The following WDR47 variants were observed in gnomAD, a reference collection of about 807,000 sequenced individuals.
WDR47 encodes the protein WD repeat-containing protein 47.
WDR47 carries 32 observed loss-of-function variants against 97.2 expected under a neutral mutation model. That is an observed-to-expected ratio of 0.33 (90% CI 0.25 to 0.44). The LOEUF (loss-of-function observed/expected upper bound fraction) is 0.44, where lower values mean the gene tolerates loss of function less well. Among genes scored for constraint, WDR47 ranks in the 20% least tolerant of loss-of-function variants. WDR47 has a pLI of 1.00. For synonymous variants in WDR47, 375 were observed against 373.5 expected, an observed-to-expected ratio of 1.00 and a Z score of -0.05; for missense variants, 782 against 1,102.3, an observed-to-expected ratio of 0.71 and a Z score of 4.11.
chr1:108,976,453 T>G (rs1657903064), intron 13 of WDR47, among the ~76,000 whole-genome samples: 2 of 151,990 alleles, frequency 1.3e-5, no homozygotes, highest in South Asian at 2.1e-4. Flanking sequence ...GTACAAAGTT[T>G]ATAGTGTCAA....
chr1:108,997,670 G>A (rs913251876), intron 7 of WDR47, among the ~76,000 whole-genome samples: 8 of 145,978 alleles, frequency 5.5e-5, no homozygotes, highest in Non-Finnish European at 1.2e-4. Flanking sequence ...TGAGGCAGGA[G>A]AATGGCGTGA....
At chr1:108,998,342 A>C (rs903593378) in intron 7 of WDR47, among the ~76,000 whole-genome samples, 1 of 152,028 alleles carries the variant, frequency 6.6e-6, no homozygotes, top group Non-Finnish European at 1.5e-5. Flanking sequence ...GTCTTTACTA[A>C]AAATACAAAA....
intron 2 of WDR47, among the ~76,000 whole-genome samples, chr1:109,022,587 TTATTTTTG>T (rs1047470561): frequency 5.3e-5 from 8 of 152,172 alleles, no homozygotes; most frequent in Admixed American, 5.2e-4. Context: ...TTCCTTTTTT[TTATTTTTG>T]TATTTTTGAG....
intron 1 of WDR47, among the ~76,000 whole-genome samples, chr1:109,033,745 C>A (rs1662751599): frequency 6.6e-6 from 1 of 152,084 alleles, no homozygotes; most frequent in Non-Finnish European, 1.5e-5. Context: ...ATGGTAAAAC[C>A]CTGTCTCTAC....
intron 1 of WDR47, among the ~76,000 whole-genome samples, chr1:109,038,870 T>G (rs1351745816): frequency 6.6e-6 from 1 of 151,982 alleles, no homozygotes; most frequent in African/African-American, 2.4e-5. Context: ...TCCCAGCTAC[T>G]TGGGAGGCTG....
At chr1:108,986,307 A>G (rs890634100) in intron 10 of WDR47, among the ~76,000 whole-genome samples, 2 of 152,220 alleles carry the variant, frequency 1.3e-5, no homozygotes, top group African/African-American at 4.8e-5. Context: ...TGTTGTAATC[A>G]AAAACATTTT....
chr1:109,025,842 G>A (rs1391671241), intron 1 of WDR47, among the ~76,000 whole-genome samples: 1 of 152,036 alleles, frequency 6.6e-6, no homozygotes, highest in African/African-American at 2.4e-5. Context: ...AATGACATCA[G>A]ACTACACAAA....
chr1:109,019,833 T>C (rs1661690172), intron 2 of WDR47, among the ~76,000 whole-genome samples: 1 of 152,230 alleles, frequency 6.6e-6, no homozygotes, highest in South Asian at 2.1e-4. Flanking sequence ...TCTTACATCT[T>C]TTCTTACACA....
At chr1:108,972,797 A>T (rs948187894) in intron 14 of WDR47, among the ~76,000 whole-genome samples, 1 of 152,104 alleles carries the variant, frequency 6.6e-6, no homozygotes, top group Non-Finnish European at 1.5e-5. Flanking sequence ...AATACAAAAA[A>T]TTAGCCAGGT....
In WDR47 at chr1:109,026,423, T is replaced by C. The variant is rs538186433; in HGVS notation, c.-9-2902A>G. 3.3e-5 allele frequency among the ~76,000 whole-genome samples: 5 copies of C among 152,144 alleles called. No homozygotes were observed. The East Asian group carries it at 9.6e-4, about 29-fold the overall frequency. On this transcript the variant is annotated intron_variant, in intron 1 of 14. Transcript: ENST00000369962. Reference sequence around the variant, plus strand: ...TCATATCAGAACTGTCTCCCTAATATTATTCTTAGAGCACACTGATTAGTG... The same window carrying C: ...TCATATCAGAACTGTCTCCCTAATACTATTCTTAGAGCACACTGATTAGTG...
At chr1:109,018,651 C>G (rs914599435) in intron 2 of WDR47, among the ~76,000 whole-genome samples, 14 of 151,832 alleles carry the variant, frequency 9.2e-5, no homozygotes, top group Non-Finnish European at 1.6e-4. Flanking sequence ...CCTGGCTCTA[C>G]AAAAAATACA....
Position 108,991,314 on chromosome 1 carries a change from C to T in WDR47, c.1707G>A (p.Ser569=), listed in dbSNP as rs1180411177. 6.2e-7 allele frequency: 1 copy of T among 1,611,276 alleles called. No individual in the cohort carries two copies. The highest frequency in any genetic ancestry group is 8.5e-7 in the Non-Finnish European group (1 of 1,178,180). ...PCGSQISSEH[S]VIKPPLGDSP... ...AATCTCCAAGAGGTGGCTTAATGAC[C>T]GAATGTTCTGAAGAGCTGTGGGAGT... Residue 569 remains serine (S), a synonymous_variant, in exon 9 of 15, where the codon TCG becomes TCA. Coordinates refer to ENST00000369962, the MANE Select transcript of WDR47 (RefSeq NM_001142551.2).
intron 13 of WDR47, among the ~76,000 whole-genome samples, chr1:108,975,169 G>A (rs1657788002): frequency 6.6e-6 from 1 of 151,982 alleles, no homozygotes; most frequent in South Asian, 2.1e-4. Context: ...CAACAGTATA[G>A]GAAATGTACT....
At chr1:109,022,927 G>A (rs1282585677) in intron 2 of WDR47, among the ~76,000 whole-genome samples, 2 of 151,054 alleles carry the variant, frequency 1.3e-5, no homozygotes, top group African/African-American at 4.8e-5. Flanking sequence ...TTTTTAGGTC[G>A]GGTGCGGTGG....
intron 1 of WDR47, among the ~76,000 whole-genome samples, chr1:109,033,482 A>G (rs1306080080): frequency 2.0e-5 from 3 of 152,240 alleles, no homozygotes; most frequent in Non-Finnish European, 4.4e-5. Context: ...GTTTTATAAC[A>G]AGGTACCAAC....
chr1:108,995,297 G>A (rs1659663508), intron 8 of WDR47, among the ~76,000 whole-genome samples: 1 of 152,166 alleles, frequency 6.6e-6, no homozygotes, highest in Non-Finnish European at 1.5e-5. Context: ...AAGATTTAGA[G>A]ATCCTAAAAC....
At chr1:108,998,818 T>A (rs1230963951) in intron 7 of WDR47, among the ~76,000 whole-genome samples, 1 of 152,076 alleles carries the variant, frequency 6.6e-6, no homozygotes, top group East Asian at 1.9e-4. Context: ...GAATAAAACA[T>A]TGAGAGGAAA....
intron 5 of WDR47, among the ~76,000 whole-genome samples, chr1:109,005,735 G>A (rs1390768553): frequency 6.6e-6 from 1 of 151,610 alleles, no homozygotes; most frequent in Non-Finnish European, 1.5e-5. Context: ...TGTTGGGCGT[G>A]GTACGCGCCT....
rs1045325243 is a variant in WDR47 at position 109,038,314 on chromosome 1, C to T, written c.-10+3548G>A. On this transcript the variant is annotated intron_variant, in intron 1 of 14. Transcript: ENST00000369962. ...CTGCTAATGAATTGCTGCGGGAGAG[C>T]TACTGTGCTGTGAAGTATAAAAATT... Among the ~76,000 whole-genome samples the T allele has an allele frequency of 2.6e-5, 4 of 152,126 alleles. No homozygotes were observed. The East Asian group carries it at 7.7e-4, about 29-fold the overall frequency.
Sources: allele counts gnomAD v4.1 joint callset (sites outside exome capture counted in the v4.1 genomes callset), GRCh38; gene constraint gnomAD v4.1.1; transcripts MANE v1.5; gene names NCBI Gene and HGNC (gene_info 2026-07-23, HGNC 2026-07-21).